ANK3: variants seen among roughly 807,000 people sequenced by gnomAD.
ANK3 encodes ankyrin 3.
A neutral mutation model predicts 370.9 loss-of-function variants in ANK3; 57 were observed. The ratio of observed to expected loss-of-function variants is 0.15; its 90% CI spans 0.12 to 0.19. ANK3 has a LOEUF of 0.19. ANK3 is among the 10% of genes least tolerant of loss of function. The pLI, the probability that ANK3 is intolerant of heterozygous loss-of-function variation, is 1.00. For synonymous variants in ANK3, 1,929 were observed against 1,946.3 expected (o/e 0.99, Z 0.23); for missense variants, 4,439 against 5,302.1 (o/e 0.84, Z 5.06).
chr10:60,207,884 A>G (rs1241336801), intron 10 of ANK3, 152 bp downstream of exon 10: 2 of 696,710 alleles, frequency 2.9e-6, no homozygotes, highest in Non-Finnish European at 4.8e-6. Context: ...AATTTTGTAG[A>G]CTTTCCTGAA....
At chr10:60,039,835 T>G (rs950910611) in intron 43 of ANK3, among the ~76,000 whole-genome samples, 3 of 152,196 alleles carry the variant, frequency 2.0e-5, no homozygotes, top group African/African-American at 4.8e-5. Flanking sequence ...AAGATGATTG[T>G]TATTATTCTT....
chr10:60,047,418 TAA>T (rs778744980), intron 42 of ANK3, among the ~76,000 whole-genome samples: 4 of 152,228 alleles, frequency 2.6e-5, no homozygotes, highest in Admixed American at 1.3e-4. Flanking sequence ...ATGGATACGT[TAA>T]AACTTGAATT....
intron 2 of ANK3, among the ~76,000 whole-genome samples, chr10:60,593,592 T>C (rs1330416156): frequency 6.6e-6 from 1 of 152,188 alleles, no homozygotes; most frequent in African/African-American, 2.4e-5. Context: ...TTCTGGACAT[T>C]CTCAATATTT....
At chr10:60,650,626 G>T (rs78428958) in intron 1 of ANK3, among the ~76,000 whole-genome samples, 6,053 of 152,230 alleles carry the variant, frequency 0.04, 152 homozygotes, top group Middle Eastern at 0.075. Flanking sequence ...TTTTATGGAG[G>T]GAAGGCTTTG....
intron 1 of ANK3, among the ~76,000 whole-genome samples, chr10:60,292,552 G>A (rs2041648683): frequency 6.6e-6 from 1 of 152,026 alleles, no homozygotes. Flanking sequence ...AAATAAGATA[G>A]TAATCAAAGG....
chr10:60,128,092 G>A (rs547307842), intron 25 of ANK3, among the ~76,000 whole-genome samples: 12 of 152,240 alleles, frequency 7.9e-5, no homozygotes, highest in Admixed American at 2.0e-4. Flanking sequence ...AGAAATAAAC[G>A]TTAACAAAGA....
Position 60,071,567 on chromosome 10 carries a change from T to C in ANK3, c.9314A>G (p.Tyr3105Cys). The change falls in exon 37 of 44, where the codon TAT becomes TGT. Residue 3105 changes from tyrosine to cysteine, a missense_variant. By Grantham distance (194) the Tyr-to-Cys change is radical. Transcript: ENST00000280772. ...ACCTCCTTGTTGTATCTCCTTTTCA[T>C]ATTGCTTCCCCACTTGTACAAAACT... ...YVSFVQVGKQ[Y>C]EKEIQQGGVK... The C allele has an allele frequency of 1.9e-6, 3 of 1,614,164 alleles. No individual in the cohort carries two copies. Among genetic ancestry groups the C allele is most frequent in the Non-Finnish European group, 2.5e-6 (3 of 1,180,018 alleles).
intron 43 of ANK3, among the ~76,000 whole-genome samples, chr10:60,032,328 TC>T: frequency 6.6e-6 from 1 of 150,486 alleles, no homozygotes; most frequent in Non-Finnish European, 1.5e-5. Context: ...TGTCTCAGTC[TC>T]CCGAGTAGCT....
intron 1 of ANK3, among the ~76,000 whole-genome samples, chr10:60,365,120 G>T (rs1018778944): frequency 6.7e-6 from 1 of 150,072 alleles, no homozygotes; most frequent in East Asian, 1.9e-4. Context: ...ATTGAAAAAA[G>T]GAAAGAATAG....
intron 2 of ANK3, chr10:60,508,380 G>A (rs1205238384): frequency 1.3e-5 from 2 of 152,584 alleles, no homozygotes; most frequent in Non-Finnish European, 2.9e-5. Flanking sequence ...TAAACCAAGA[G>A]AGCCGCTTTT....
intron 39 of ANK3, 120 bp from the exon 40 acceptor site, chr10:60,063,374 A>T (rs1048063885): frequency 1.4e-5 from 13 of 907,168 alleles, no homozygotes; most frequent in Middle Eastern, 2.6e-4. Flanking sequence ...TTCTTACTCC[A>T]TCTCTGCAAT....
chr10:60,487,409 C>T (rs1178710090), intron 2 of ANK3, among the ~76,000 whole-genome samples: 5 of 152,144 alleles, frequency 3.3e-5, no homozygotes, highest in Non-Finnish European at 4.4e-5. Flanking sequence ...AAAGGAGTTT[C>T]CTAATAGCCT....
In ANK3 at chr10:60,067,919, G is replaced by C. The variant is rs781043135; in HGVS notation, c.12319+16C>G. ...GAAGAAACTAATTTGTTCCATTCAGGAGTGTATGCACTTACCTGTCCAACT... is the reference window on the plus strand; with the variant it reads ...GAAGAAACTAATTTGTTCCATTCAGCAGTGTATGCACTTACCTGTCCAACT... On this transcript the variant is annotated intron_variant, in intron 38 of 43. Coordinates refer to ENST00000280772, the MANE Select transcript of ANK3 (RefSeq NM_020987.5). 1.9e-6 allele frequency: 3 copies of C among 1,588,456 alleles called. No homozygotes were observed. The African/African-American group carries it at 4.0e-5, about 21-fold the overall frequency.
Position 60,075,550 on chromosome 10 carries a change from T to G in ANK3, c.5331A>C (p.Pro1777=). ...FSTTTAMPFS[P]LRSYVSAAPS... The stretch of plus-strand genomic sequence containing the variant: ...GTGCTGCAGAAACATATGACCTGAG[T>G]GGGGAAAATGGCATTGCAGTCGTGG... Residue 1777 remains proline (P), a synonymous_variant, in exon 37 of 44, where the codon CCA becomes CCC. Transcript: ENST00000280772. 1.2e-6 allele frequency: 2 copies of G among 1,613,796 alleles called. No individual in the cohort carries two copies. The highest frequency in any genetic ancestry group is 1.7e-6 in the Non-Finnish European group (2 of 1,179,946).
chr10:60,250,519 C>T (rs950045224), intron 7 of ANK3, among the ~76,000 whole-genome samples: 9 of 152,106 alleles, frequency 5.9e-5, no homozygotes, highest in African/African-American at 1.7e-4. Context: ...TGCCTGCCAC[C>T]ACGCCCAGCT....
intron 2 of ANK3, among the ~76,000 whole-genome samples, chr10:60,463,841 T>C (rs1243761221): frequency 6.6e-6 from 1 of 152,140 alleles, no homozygotes; most frequent in Non-Finnish European, 1.5e-5. Flanking sequence ...GAAAGATTTT[T>C]TTTTGTGTGT....
At chr10:60,176,546 G>C (rs149880142) in intron 18 of ANK3, among the ~76,000 whole-genome samples, 1 of 152,030 alleles carries the variant, frequency 6.6e-6, no homozygotes, top group Non-Finnish European at 1.5e-5. Context: ...CGGATCACCC[G>C]AGGTCAGGAG....
chr10:60,051,797 G>GTC (rs1189833236), intron 42 of ANK3, among the ~76,000 whole-genome samples: 1 of 151,046 alleles, frequency 6.6e-6, no homozygotes, highest in Non-Finnish European at 1.5e-5. Flanking sequence ...GTGTGTGTGT[G>GTC]TGTGTGTGTA....
At chr10:60,584,525 A>G (rs1431866043) in intron 2 of ANK3, among the ~76,000 whole-genome samples, 3 of 152,132 alleles carry the variant, frequency 2.0e-5, no homozygotes, top group Admixed American at 2.0e-4. Flanking sequence ...GGCTGAGGCT[A>G]GAGGATCACT....
Sources: allele counts gnomAD v4.1 joint callset (sites outside exome capture counted in the v4.1 genomes callset), GRCh38; gene constraint gnomAD v4.1.1; transcripts MANE v1.5; gene names NCBI Gene and HGNC (gene_info 2026-07-23, HGNC 2026-07-21).